FHIP1A: variants seen among roughly 807,000 people sequenced by gnomAD.
FHIP1A encodes the protein FHF complex subunit HOOK-interacting protein 1A.
FHIP1A carries 61 observed loss-of-function variants against 88.6 expected under a neutral mutation model. That is an observed-to-expected ratio of 0.69 (90% CI 0.56 to 0.85). The LOEUF is 0.85. Ranked by LOEUF, FHIP1A falls within the 40% of genes least tolerant of loss-of-function variation. FHIP1A has a pLI of 0.00. For synonymous variants in FHIP1A, 478 were observed against 496.0 expected, an observed-to-expected ratio of 0.96 and a Z score of 0.48; for missense variants, 1,154 against 1,273.5, an observed-to-expected ratio of 0.91 and a Z score of 1.43.
chr4:151,527,259 C>A (rs1287104664), intron 3 of FHIP1A, among the ~76,000 whole-genome samples: 1 of 152,186 alleles, frequency 6.6e-6, no homozygotes, highest in African/African-American at 2.4e-5. Flanking sequence ...AACGAGACTC[C>A]GTCTGCAATC....
At chr4:151,424,187 C>A (rs2126526871) in intron 1 of FHIP1A, among the ~76,000 whole-genome samples, 1 of 152,308 alleles carries the variant, frequency 6.6e-6, no homozygotes, top group East Asian at 1.9e-4. Context: ...TTTTCAAAAT[C>A]CCCGGAATGG....
intron 3 of FHIP1A, among the ~76,000 whole-genome samples, chr4:151,556,256 T>C (rs1344194600): frequency 1.3e-5 from 2 of 152,178 alleles, no homozygotes; most frequent in Non-Finnish European, 2.9e-5. Context: ...TATATAGTTA[T>C]TGATATTAGT....
At chr4:151,428,688 C>T (rs762538169) in intron 1 of FHIP1A, among the ~76,000 whole-genome samples, 1 of 152,156 alleles carries the variant, frequency 6.6e-6, no homozygotes, top group Non-Finnish European at 1.5e-5. Flanking sequence ...AACTGTCTTT[C>T]CAGTCTCATC....
intron 5 of FHIP1A, among the ~76,000 whole-genome samples, chr4:151,580,958 A>G (rs1300969000): frequency 6.6e-6 from 1 of 152,158 alleles, no homozygotes. Context: ...CCCGGGTTCA[A>G]GTGATTCTCA....
chr4:151,480,524 C>T (rs140384000), intron 2 of FHIP1A, among the ~76,000 whole-genome samples: 2 of 152,080 alleles, frequency 1.3e-5, no homozygotes, highest in African/African-American at 4.8e-5. Flanking sequence ...CTCTCCAGCA[C>T]ATGATGATAA....
chr4:151,561,204 G>T (rs941019128), intron 3 of FHIP1A, among the ~76,000 whole-genome samples: 1 of 152,160 alleles, frequency 6.6e-6, no homozygotes, highest in Non-Finnish European at 1.5e-5. Flanking sequence ...TGCACATTTT[G>T]TGTGTTAACT....
chr4:151,653,239 C>T (rs756895409), intron 11 of FHIP1A, among the ~76,000 whole-genome samples: 2 of 152,146 alleles, frequency 1.3e-5, no homozygotes, highest in African/African-American at 4.8e-5. Flanking sequence ...CTTGCTTGTG[C>T]AACACCCTAG....
At chr4:151,608,153 T>C (rs1348977144) in intron 7 of FHIP1A, among the ~76,000 whole-genome samples, 1 of 146,656 alleles carries the variant, frequency 6.8e-6, no homozygotes, top group African/African-American at 2.5e-5. Flanking sequence ...CAAGCGATTC[T>C]CCTGCCTCAG....
intron 2 of FHIP1A, among the ~76,000 whole-genome samples, chr4:151,473,021 A>G (rs1484703113): frequency 1.3e-5 from 2 of 152,176 alleles, no homozygotes; most frequent in Non-Finnish European, 2.9e-5. Flanking sequence ...AACCCAAGCC[A>G]GGAAAGGGTC....
intron 3 of FHIP1A, among the ~76,000 whole-genome samples, chr4:151,523,221 G>C (rs1364086843): frequency 6.6e-6 from 1 of 152,174 alleles, no homozygotes; most frequent in African/African-American, 2.4e-5. Flanking sequence ...GTAAATTAAT[G>C]TATATTTCAG....
chr4:151,580,934 T>C (rs1426630535), intron 5 of FHIP1A, among the ~76,000 whole-genome samples: 4 of 151,470 alleles, frequency 2.6e-5, no homozygotes, highest in Non-Finnish European at 5.9e-5. Flanking sequence ...CTCGGCTCAC[T>C]GCAACCTCCG....
At chr4:151,519,279 T>G (rs2126692189) in intron 3 of FHIP1A, among the ~76,000 whole-genome samples, 1 of 152,270 alleles carries the variant, frequency 6.6e-6, no homozygotes, top group Admixed American at 6.5e-5. Flanking sequence ...GCTATTACAA[T>G]TTTTTCCACC....
chr4:151,605,628 C>T (rs1454928668), intron 7 of FHIP1A, among the ~76,000 whole-genome samples: 5 of 152,208 alleles, frequency 3.3e-5, no homozygotes, highest in Non-Finnish European at 7.3e-5. Flanking sequence ...ATAATTTCAG[C>T]CATTTCCTTA....
chr4:151,516,584 T>A (rs1002089153), intron 3 of FHIP1A, among the ~76,000 whole-genome samples: 72 of 151,932 alleles, frequency 4.7e-4, no homozygotes, highest in African/African-American at 1.7e-3. Flanking sequence ...GAATCTACAA[T>A]GAACTCAAAC....
chr4:151,559,463 G>C (rs1395453386), intron 3 of FHIP1A, among the ~76,000 whole-genome samples: 2 of 152,134 alleles, frequency 1.3e-5, no homozygotes, highest in African/African-American at 4.8e-5. Context: ...GAGTTCTTGT[G>C]TATCTTCTTA....
At chr4:151,537,336 T>C (rs1418203470) in intron 3 of FHIP1A, among the ~76,000 whole-genome samples, 1 of 152,228 alleles carries the variant, frequency 6.6e-6, no homozygotes, top group African/African-American at 2.4e-5. Context: ...AATATATCTT[T>C]GTGGTTTTAA....
chr4:151,562,774 T>G (rs1413843388), intron 3 of FHIP1A, among the ~76,000 whole-genome samples: 1 of 152,186 alleles, frequency 6.6e-6, no homozygotes, highest in Admixed American at 6.5e-5. Context: ...TTTGACATAT[T>G]TTTAGCTTTT....
At chr4:151,418,152 A>G (rs1462494302) in intron 1 of FHIP1A, among the ~76,000 whole-genome samples, 1 of 142,848 alleles carries the variant, frequency 7.0e-6, no homozygotes, top group African/African-American at 2.6e-5. Flanking sequence ...AGCCTTGGTG[A>G]CAGAGTAGGA....
chr4:151,441,834 C>G (rs541287475), intron 1 of FHIP1A, among the ~76,000 whole-genome samples: 1 of 152,132 alleles, frequency 6.6e-6, no homozygotes, highest in African/African-American at 2.4e-5. Context: ...TTGTTAAGCT[C>G]ATCAAAAGAG....
Sources: gnomAD v4.1 joint callset for allele counts (sites outside exome capture counted in the v4.1 genomes callset) on GRCh38, gnomAD v4.1.1 for gene constraint, MANE v1.5 for transcripts, NCBI Gene and HGNC (gene_info 2026-07-23, HGNC 2026-07-21) for gene names.